Variants in SYNPR observed in about 807,000 individuals in gnomAD.
SYNPR encodes synaptoporin.
SYNPR carries 23 observed loss-of-function variants against 32.9 expected under a neutral mutation model. The ratio of observed to expected loss-of-function variants is 0.70; its 90% CI spans 0.50 to 0.99. The LOEUF (loss-of-function observed/expected upper bound fraction) is 0.99, where lower values mean the gene tolerates loss of function less well. Ranked by LOEUF, SYNPR falls within the 50% of genes least tolerant of loss-of-function variation. The probability of loss-of-function intolerance (pLI) is 0.00; values close to 1 mark genes in which losing one functional copy is unlikely to be tolerated. For synonymous variants in SYNPR, 146 were observed against 135.9 expected, an observed-to-expected ratio of 1.07 and a Z score of -0.52; for missense variants, 318 against 349.3, an observed-to-expected ratio of 0.91 and a Z score of 0.71.
At chr3:63,260,665 A>G (rs1390210491) in intron 2 of SYNPR, among the ~76,000 whole-genome samples, 3 of 151,378 alleles carry the variant, frequency 2.0e-5, no homozygotes, top group Non-Finnish European at 4.4e-5. Flanking sequence ...GCATGGGCAA[A>G]GACTTCATGT....
chr3:63,310,039 GATACCCC>G (rs1362205949), intron 2 of SYNPR, among the ~76,000 whole-genome samples: 1 of 151,768 alleles, frequency 6.6e-6, no homozygotes, highest in Non-Finnish European at 1.5e-5. Flanking sequence ...TTCTCAAGCA[GATACCCC>G]ATACCCAGCT....
intron 3 of SYNPR, among the ~76,000 whole-genome samples, chr3:63,548,573 G>A (rs1296603367): frequency 6.6e-6 from 1 of 152,086 alleles, no homozygotes; most frequent in East Asian, 1.9e-4. Flanking sequence ...CAATCTAAAA[G>A]CAGATAAGTG....
chr3:63,558,040 T>G (rs1702622983), intron 4 of SYNPR, among the ~76,000 whole-genome samples: 1 of 152,202 alleles, frequency 6.6e-6, no homozygotes, highest in Admixed American at 6.5e-5. Flanking sequence ...AAGACTGTAT[T>G]AGTTCTTGTG....
rs374919858 is a variant in SYNPR, at chr3:63,232,465, A to G, written n.66+4085A>G. 1.4e-4 allele frequency among the ~76,000 whole-genome samples: 22 copies of G among 152,256 alleles called. No homozygotes were observed. In the South Asian group the frequency reaches 4.4e-3, roughly 30 times the overall value. On this transcript the variant is annotated intron_variant and non_coding_transcript_variant, in intron 1 of 4. Transcript: ENST00000478456. ...TGATCCGCCTTCCTTGGCCTCCCAAAGTGCTGGGATTACTGGCGTGAGCCA... is the reference window on the plus strand; with the variant it reads ...TGATCCGCCTTCCTTGGCCTCCCAAGGTGCTGGGATTACTGGCGTGAGCCA...
rs1350101642 is a variant in SYNPR, at chr3:63,616,618, C to T, written c.*1137C>T. 6.6e-6 allele frequency: 1 copy of T among 152,554 alleles called. No individual in the cohort carries two copies. Among genetic ancestry groups the T allele is most frequent in the Non-Finnish European group, 1.5e-5 (1 of 68,020 alleles). 9.5% of individuals were successfully genotyped at this position (152,554 alleles called of 1,614,324 possible). A position where few individuals can be genotyped will look rare whatever the true frequency, so the allele number is the denominator to read the frequency against. On this transcript the variant is annotated 3_prime_UTR_variant, in exon 6 of 6. Transcript: ENST00000478300. ...GGCTTCCATATGCCACTCTGTACCC[C>T]AAAGAGAGTTCTCATGAAATATTCT... is the stretch of plus-strand genomic sequence containing the variant.
intron 4 of SYNPR, among the ~76,000 whole-genome samples, chr3:63,563,814 T>G (rs746438490): frequency 6.6e-6 from 1 of 151,988 alleles, no homozygotes; most frequent in South Asian, 2.1e-4. Flanking sequence ...GAGGAGGAGG[T>G]GCATAATCTT....
chr3:63,595,717 TTA>T (rs1169780634), intron 4 of SYNPR, among the ~76,000 whole-genome samples: 269 of 17,734 alleles, frequency 0.015, 3 homozygotes, highest in Middle Eastern at 0.029. Context: ...GAATCTTATT[TTA>T]TATATATATA....
At chr3:63,371,144 G>GA (rs1205671791) in intron 2 of SYNPR, among the ~76,000 whole-genome samples, 2 of 151,988 alleles carry the variant, frequency 1.3e-5, no homozygotes, top group African/African-American at 4.8e-5. Flanking sequence ...CCATACCTCG[G>GA]AAAAATGATG....
chr3:63,204,653 A>G, the SYNPR span, among the ~76,000 whole-genome samples: 1 of 151,848 alleles, frequency 6.6e-6, no homozygotes, highest in African/African-American at 2.4e-5. Flanking sequence ...CCACAGCCTC[A>G]CCTAAGATCT....
At chr3:63,241,942 T>C (rs1034159266) in intron 1 of SYNPR, among the ~76,000 whole-genome samples, 2 of 152,090 alleles carry the variant, frequency 1.3e-5, no homozygotes, top group African/African-American at 2.4e-5. Flanking sequence ...ATTATTTTCT[T>C]CCTGGTAATG....
chr3:63,278,544 T>G lies in SYNPR; in HGVS notation c.11T>G (p.Val4Gly). The change falls in exon 1 of 6, where the codon GTG (valine) becomes GGG (glycine). Residue 4 changes from valine (V) to glycine (G), a missense_variant. Physicochemically the swap from Val to Gly is moderately radical, Grantham distance 109. Coordinates refer to ENST00000478300, the MANE Select transcript of SYNPR (RefSeq NM_001130003.2). MDP[V>G]SQLASAGTFR... The stretch of plus-strand genomic sequence containing the variant: ...GAGCGAGGGCGAGCTATGGACCCTG[T>G]GAGTCAGGTGAGACAGAACTGGGCA... 6.4e-7 allele frequency: 1 copy of G among 1,550,746 alleles called. No homozygotes were observed. Among genetic ancestry groups the G allele is most frequent in the East Asian group, 2.4e-5 (1 of 40,870 alleles).
rs79886590 is a variant in SYNPR, at chr3:63,430,274, A to G, written c.85-50558A>G. On this transcript the variant is annotated intron_variant, in intron 2 of 5. Transcript: ENST00000478300. Reference sequence around the variant, plus strand: ...TCAAATAAATTAAAGGCTTTTTCAAAGCATTAACACGTCTTTACATTTTAT... The same window carrying G: ...TCAAATAAATTAAAGGCTTTTTCAAGGCATTAACACGTCTTTACATTTTAT... 5.5e-3 allele frequency among the ~76,000 whole-genome samples: 837 copies of G among 152,272 alleles called. 10 individuals are homozygous for G. The highest frequency in any genetic ancestry group is 0.019 in the African/African-American group (803 of 41,556).
intron 1 of SYNPR, among the ~76,000 whole-genome samples, chr3:63,238,904 T>A (rs1038151708): frequency 2.0e-5 from 3 of 152,140 alleles, no homozygotes; most frequent in African/African-American, 7.2e-5. Context: ...AAAGAATGGA[T>A]TCTAAAATTG....
At chr3:63,401,271 G>A (rs1436260517) in intron 2 of SYNPR, among the ~76,000 whole-genome samples, 1 of 152,184 alleles carries the variant, frequency 6.6e-6, no homozygotes, top group Non-Finnish European at 1.5e-5. Flanking sequence ...TTTCTTATGA[G>A]TGGCCTGCAG....
chr3:63,368,479 G>C (rs942219186), intron 2 of SYNPR, among the ~76,000 whole-genome samples: 3 of 152,194 alleles, frequency 2.0e-5, no homozygotes, highest in East Asian at 3.9e-4. Flanking sequence ...GGCAATTCAA[G>C]TCTGGAGATG....
intron 1 of SYNPR, among the ~76,000 whole-genome samples, chr3:63,248,146 A>G (rs1467162650): frequency 2.6e-5 from 4 of 152,136 alleles, no homozygotes; most frequent in Admixed American, 6.6e-5. Flanking sequence ...CACAGCTTGT[A>G]TTAAAAACTC....
At chr3:63,399,237 T>G (rs2088257894) in intron 2 of SYNPR, among the ~76,000 whole-genome samples, 1 of 152,140 alleles carries the variant, frequency 6.6e-6, no homozygotes, top group Non-Finnish European at 1.5e-5. Context: ...ATTGAGGGTG[T>G]CTTAGTCCCT....
intron 3 of SYNPR, among the ~76,000 whole-genome samples, chr3:63,543,620 A>C (rs971597280): frequency 6.6e-6 from 1 of 152,120 alleles, no homozygotes; most frequent in Non-Finnish European, 1.5e-5. Flanking sequence ...TGACTAGATC[A>C]GTGTCATTGA....
chr3:63,531,636 A>G (rs968126811), intron 3 of SYNPR, among the ~76,000 whole-genome samples: 16 of 152,158 alleles, frequency 1.1e-4, no homozygotes, highest in African/African-American at 3.9e-4. Context: ...GGGAGATGTA[A>G]TTCAGTCCGC....
Sources: allele counts gnomAD v4.1 joint callset (sites outside exome capture counted in the v4.1 genomes callset), GRCh38; gene constraint gnomAD v4.1.1; transcripts MANE v1.5; gene names NCBI Gene and HGNC (gene_info 2026-07-23, HGNC 2026-07-21).